Variants in EYA1 observed in about 807,000 individuals in gnomAD.
EYA1 encodes EYA transcriptional coactivator and phosphatase 1.
Under a neutral mutation model 82.0 loss-of-function variants are expected in EYA1, and 16 were observed. That is an observed-to-expected ratio of 0.20 (90% CI 0.13 to 0.30). The LOEUF is 0.30. Among genes scored for constraint, EYA1 ranks in the 10% least tolerant of loss-of-function variants. EYA1 has a pLI of 1.00. For missense variants in EYA1, 633 were observed against 730.7 expected (o/e 0.87, Z 1.54); for synonymous variants, 261 against 264.4 (o/e 0.99, Z 0.12).
At chr8:71,249,986 C>T (rs936010054) in intron 11 of EYA1, among the ~76,000 whole-genome samples, 1 of 152,042 alleles carries the variant, frequency 6.6e-6, no homozygotes, top group South Asian at 2.1e-4. Flanking sequence ...GTCACTCGGA[C>T]CATAAATTTC....
At chr8:71,419,316 A>G (rs769278726) in intron 2 of EYA1, among the ~76,000 whole-genome samples, 3 of 152,226 alleles carry the variant, frequency 2.0e-5, no homozygotes, top group Non-Finnish European at 2.9e-5. Flanking sequence ...CTTTCAAGTC[A>G]TATGCTTCCT....
intron 7 of EYA1, among the ~76,000 whole-genome samples, chr8:71,307,463 C>T (rs1334851269): frequency 2.0e-5 from 3 of 152,220 alleles, no homozygotes; most frequent in East Asian, 1.9e-4. Flanking sequence ...TCCGTCCCAC[C>T]ACACTCGGCT....
In EYA1 at chr8:71,215,746, CATG is replaced by C; in HGVS notation, c.1361-21_1361-19del. On this transcript the variant is annotated intron_variant, in intron 14 of 17. Transcript: ENST00000340726. Reference sequence around the variant, plus strand: ...AAGCAGACCTGAGGATTTAAAAGCACATGATGAACTACTTCCTGACCAACATAT... The same window carrying C: ...AAGCAGACCTGAGGATTTAAAAGCACATGAACTACTTCCTGACCAACATAT... The C allele has an allele frequency of 6.6e-7, 1 of 1,521,838 alleles. No individual in the cohort carries two copies. The allele number at this position is 1,521,838 out of a possible 1,614,324, so 94.3% of individuals were successfully genotyped here. A position where few individuals can be genotyped will look rare whatever the true frequency, so the allele number is the denominator to read the frequency against.
At position 71,292,047 on chromosome 8, in the gene EYA1, TATA is replaced by T. The variant is rs139383084; in HGVS notation, c.826+6997_826+6999del. Among the ~76,000 whole-genome samples the T allele has an allele frequency of 2.6e-5, 4 of 152,276 alleles. No individual in the cohort carries two copies. The East Asian group carries it at 7.7e-4, about 29-fold the overall frequency. On this transcript the variant is annotated intron_variant, in intron 9 of 17. Transcript: ENST00000340726. ...AAATTTTGATTATACACATGAATCA[TATA>T]ATGAAAAATATCATATGATAAAAAT...
intron 9 of EYA1, among the ~76,000 whole-genome samples, chr8:71,296,256 TTAAAA>T (rs1242603761): frequency 6.6e-6 from 1 of 152,140 alleles, no homozygotes; most frequent in Non-Finnish European, 1.5e-5. Context: ...TATGAACACT[TTAAAA>T]TAATTTTTGA....
At chr8:71,329,966 A>G (rs1017220814) in intron 4 of EYA1, among the ~76,000 whole-genome samples, 1 of 152,160 alleles carries the variant, frequency 6.6e-6, no homozygotes, top group Non-Finnish European at 1.5e-5. Context: ...ATGAGGTGAG[A>G]TTTGAACACA....
chr8:71,289,080 T>G (rs1176539527), intron 9 of EYA1, among the ~76,000 whole-genome samples: 3 of 152,168 alleles, frequency 2.0e-5, no homozygotes, highest in Non-Finnish European at 2.9e-5. Context: ...TATTTAAAAT[T>G]TTTTTTAAAA....
At chr8:71,251,684 C>G (rs1036049556) in intron 11 of EYA1, among the ~76,000 whole-genome samples, 1 of 152,164 alleles carries the variant, frequency 6.6e-6, no homozygotes, top group African/African-American at 2.4e-5. Context: ...CCTTCATCCT[C>G]TGTCAAGTGG....
intron 4 of EYA1, among the ~76,000 whole-genome samples, chr8:71,324,302 T>C (rs1369147704): frequency 2.0e-5 from 3 of 152,218 alleles, no homozygotes; most frequent in African/African-American, 7.2e-5. Context: ...TATATACATA[T>C]GATGAAAGAC....
chr8:71,422,015 G>A (rs928415449), intron 2 of EYA1, among the ~76,000 whole-genome samples: 1 of 152,104 alleles, frequency 6.6e-6, no homozygotes, highest in African/African-American at 2.4e-5. Context: ...TTTTAAAGAA[G>A]ATGCATTTTT....
intron 2 of EYA1, among the ~76,000 whole-genome samples, chr8:71,452,126 C>T (rs1451994970): frequency 6.6e-6 from 1 of 152,224 alleles, no homozygotes. Context: ...GATTATATCC[C>T]ACGCATGGCT....
intron 14 of EYA1, 122 bp from the exon 15 acceptor site, chr8:71,215,850 A>G: frequency 1.4e-6 from 1 of 727,796 alleles, no homozygotes; most frequent in South Asian, 1.5e-5. Context: ...TATACAAAGT[A>G]TCTTTCACAT....
intron 2 of EYA1, among the ~76,000 whole-genome samples, chr8:71,422,695 T>A (rs1440800977): frequency 6.6e-6 from 1 of 152,084 alleles, no homozygotes; most frequent in Non-Finnish European, 1.5e-5. Flanking sequence ...AACAAACGCA[T>A]CCTTCTTCAC....
At chr8:71,482,849 G>A (rs1810272481) in intron 2 of EYA1, among the ~76,000 whole-genome samples, 1 of 152,152 alleles carries the variant, frequency 6.6e-6, no homozygotes, top group Non-Finnish European at 1.5e-5. Context: ...AAATCTATTG[G>A]TCAGAGTAGA....
chr8:71,204,587 C>CACTT (rs1807496489), intron 17 of EYA1, among the ~76,000 whole-genome samples: 1 of 152,224 alleles, frequency 6.6e-6, no homozygotes, highest in East Asian at 1.9e-4. Context: ...CCGATGCAGT[C>CACTT]ACTTAAAAGC....
chr8:71,469,268 T>C (rs756864520), intron 2 of EYA1, among the ~76,000 whole-genome samples: 2 of 152,106 alleles, frequency 1.3e-5, no homozygotes, highest in African/African-American at 4.8e-5. Flanking sequence ...TGTGTTTTAT[T>C]CAGTTGGAGA....
intron 2 of EYA1, among the ~76,000 whole-genome samples, chr8:71,411,625 A>G (rs1241275913): frequency 1.3e-5 from 2 of 151,886 alleles, no homozygotes; most frequent in African/African-American, 4.9e-5. Context: ...AATACATGAA[A>G]AAATGCTCAT....
At chr8:71,456,687 T>C (rs1412535467) in intron 2 of EYA1, among the ~76,000 whole-genome samples, 2 of 152,060 alleles carry the variant, frequency 1.3e-5, no homozygotes, top group Non-Finnish European at 2.9e-5. Flanking sequence ...TAAATGGTGC[T>C]GGGAAAACTG....
chr8:71,300,231 G>T lies in EYA1; in HGVS notation c.557-511C>A, dbSNP rs186335822. The stretch of plus-strand genomic sequence containing the variant: ...ATGAATGGCAGCACCTGATAAATTT[G>T]ACACAACAAAGATGAAAGAAGAATA... On this transcript the variant is annotated intron_variant, in intron 7 of 17. Coordinates refer to ENST00000340726, the MANE Select transcript of EYA1 (RefSeq NM_000503.6). Among the ~76,000 whole-genome samples, 17 of 152,198 alleles carry T rather than the reference G, an allele frequency of 1.1e-4. No individual in the cohort carries two copies. In the East Asian group the frequency reaches 3.3e-3, roughly 29 times the overall value.
Sources: allele counts gnomAD v4.1 joint callset (sites outside exome capture counted in the v4.1 genomes callset), GRCh38; gene constraint gnomAD v4.1.1; transcripts MANE v1.5; gene names NCBI Gene and HGNC (gene_info 2026-07-23, HGNC 2026-07-21).